Variants in SLIT3 observed in about 807,000 individuals in gnomAD.
SLIT3 encodes the protein slit homolog 3 protein.
A neutral mutation model predicts 184.0 loss-of-function variants in SLIT3; 68 were observed. That is an observed-to-expected ratio of 0.37 (90% CI 0.30 to 0.45). The LOEUF (loss-of-function observed/expected upper bound fraction) is 0.45, where lower values mean the gene tolerates loss of function less well. Ranked by LOEUF, SLIT3 falls within the 20% of genes least tolerant of loss-of-function variation. SLIT3 has a pLI of 1.00. For missense variants in SLIT3, 1,707 were observed against 2,026.0 expected (o/e 0.84, Z 3.02); for synonymous variants, 831 against 828.6 (o/e 1.00, Z -0.05).
intron 5 of SLIT3, among the ~76,000 whole-genome samples, chr5:168,851,675 T>A (rs1293061036): frequency 6.6e-6 from 1 of 152,176 alleles, no homozygotes; most frequent in South Asian, 2.1e-4. Flanking sequence ...AAGGTTTACA[T>A]GGGACTTCCC....
At chr5:168,745,627 G>A (rs1426123779) in intron 20 of SLIT3, among the ~76,000 whole-genome samples, 2 of 152,198 alleles carry the variant, frequency 1.3e-5, no homozygotes, top group African/African-American at 4.8e-5. Context: ...GGCCAGGCTG[G>A]TCTTGAACTT....
chr5:169,100,551 T>C (rs1334351727), intron 4 of SLIT3, among the ~76,000 whole-genome samples: 1 of 152,136 alleles, frequency 6.6e-6, no homozygotes, highest in East Asian at 1.9e-4. Context: ...CAGGAGAGAT[T>C]GGTGCTTCAA....
At chr5:168,696,511 C>A in intron 27 of SLIT3, 80 bp from the exon 28 acceptor site, 12 of 1,529,526 alleles carry the variant, frequency 7.8e-6, no homozygotes, top group Non-Finnish European at 1.1e-5. Context: ...GAGGAAGACA[C>A]GGGTGGGAAA....
intron 4 of SLIT3, among the ~76,000 whole-genome samples, chr5:169,114,322 C>T (rs552409756): frequency 9.8e-5 from 15 of 152,294 alleles, no homozygotes; most frequent in African/African-American, 1.2e-4. Flanking sequence ...GGAAAGTGCT[C>T]GTATTATCAC....
In SLIT3 at chr5:169,004,160, A is replaced by G. The variant is rs1055250144; in HGVS notation, c.414-120824T>C. Among the ~76,000 whole-genome samples, 12 of 149,170 alleles carry G rather than the reference A, an allele frequency of 8.0e-5. No homozygotes were observed. In the East Asian group the frequency reaches 9.8e-4, roughly 12 times the overall value. On this transcript the variant is annotated intron_variant, in intron 4 of 35. Coordinates refer to ENST00000519560, the MANE Select transcript of SLIT3 (RefSeq NM_003062.4). ...GCTAGAAGCCCACGACTGTTTTGGG[A>G]AAAAAAAAACACACACACCAAAAAA...
chr5:169,138,255 C>G (rs535475034), intron 4 of SLIT3, among the ~76,000 whole-genome samples: 21 of 152,308 alleles, frequency 1.4e-4, no homozygotes, highest in African/African-American at 5.1e-4. Flanking sequence ...GACTTATACC[C>G]CACCCTGTCC....
intron 1 of SLIT3, among the ~76,000 whole-genome samples, chr5:169,275,478 G>A (rs1766770828): frequency 6.6e-6 from 1 of 152,150 alleles, no homozygotes; most frequent in African/African-American, 2.4e-5. Flanking sequence ...GTCACATACA[G>A]CATTGGAAAA....
chr5:169,085,234 A>G (rs973619779), intron 4 of SLIT3, among the ~76,000 whole-genome samples: 2 of 152,202 alleles, frequency 1.3e-5, no homozygotes, highest in Non-Finnish European at 2.9e-5. Context: ...GGTCGGCTGG[A>G]AACACATGTG....
chr5:168,924,164 T>C (rs1761731316), intron 4 of SLIT3, among the ~76,000 whole-genome samples: 1 of 152,218 alleles, frequency 6.6e-6, no homozygotes. Flanking sequence ...TTCTGCTCTG[T>C]CATTTCAGTC....
At chr5:169,086,633 G>A (rs961916603) in intron 4 of SLIT3, among the ~76,000 whole-genome samples, 1 of 152,198 alleles carries the variant, frequency 6.6e-6, no homozygotes, top group Non-Finnish European at 1.5e-5. Flanking sequence ...GTATTAGCAT[G>A]GATTCAGTCA....
rs1463303450 is a variant in SLIT3, at chr5:168,844,512, T to TC, written c.557+71dup. On this transcript the variant is annotated intron_variant, in intron 6 of 35. Coordinates refer to ENST00000519560, the MANE Select transcript of SLIT3 (RefSeq NM_003062.4). ...CTGCACACACTCTCCCCCTCTCTCC[T>TC]CCCCACACAGACACACACACATACA... The TC allele has an allele frequency of 2.2e-6, 3 of 1,388,732 alleles. No homozygotes were observed. The Admixed American group carries it at 5.2e-5, about 24-fold the overall frequency. The allele number at this position is 1,388,732 out of a possible 1,614,324, so 86.0% of individuals were successfully genotyped here.
intron 6 of SLIT3, among the ~76,000 whole-genome samples, chr5:168,831,302 G>C (rs1401949668): frequency 2.0e-5 from 3 of 151,864 alleles, no homozygotes; most frequent in African/African-American, 7.3e-5. Context: ...GAGAGAGATT[G>C]GTGGGGGTGG....
intron 5 of SLIT3, among the ~76,000 whole-genome samples, chr5:168,872,631 C>T (rs1759568560): frequency 1.6e-5 from 2 of 128,822 alleles, no homozygotes; most frequent in African/African-American, 3.1e-5. Context: ...TTTTCTTCTT[C>T]TTCTTCTTCT....
chr5:168,990,005 G>A (rs908768898), intron 4 of SLIT3, among the ~76,000 whole-genome samples: 16 of 152,326 alleles, frequency 1.1e-4, no homozygotes, highest in Middle Eastern at 3.4e-3. Flanking sequence ...TTCCACGGCC[G>A]CCTATCCTGC....
intron 9 of SLIT3, among the ~76,000 whole-genome samples, chr5:168,795,940 A>G (rs1756550039): frequency 6.6e-6 from 1 of 152,224 alleles, no homozygotes; most frequent in African/African-American, 2.4e-5. Context: ...GAGAAGGAAG[A>G]GTAAAAAGAG....
chr5:169,178,950 T>C (rs1257699858), intron 4 of SLIT3, among the ~76,000 whole-genome samples: 1 of 152,048 alleles, frequency 6.6e-6, no homozygotes, highest in Non-Finnish European at 1.5e-5. Context: ...GGGCCCATGA[T>C]TGAATGATGG....
chr5:169,235,878 A>G (rs532856739), intron 3 of SLIT3, among the ~76,000 whole-genome samples: 20 of 152,364 alleles, frequency 1.3e-4, no homozygotes, highest in South Asian at 1.0e-3. Context: ...TGATTTATCA[A>G]TGTTGACACT....
intron 3 of SLIT3, among the ~76,000 whole-genome samples, chr5:169,233,020 A>G (rs35360984): frequency 0.43 from 65,011 of 150,994 alleles, 14,291 homozygotes; most frequent in Middle Eastern, 0.49. Context: ...GCACTGGTAT[A>G]TATACACATA....
chr5:168,669,548 T>G (rs919147547), intron 35 of SLIT3, among the ~76,000 whole-genome samples: 1 of 152,218 alleles, frequency 6.6e-6, no homozygotes, highest in Non-Finnish European at 1.5e-5. Context: ...ATGTTTTTTG[T>G]GGTTTTGAAC....
Sources: allele counts gnomAD v4.1 joint callset (sites outside exome capture counted in the v4.1 genomes callset), GRCh38; gene constraint gnomAD v4.1.1; transcripts MANE v1.5; gene names NCBI Gene and HGNC (gene_info 2026-07-23, HGNC 2026-07-21).